Variants in FAM135B observed in about 807,000 individuals in gnomAD.
FAM135B encodes the protein protein FAM135B.
In FAM135B, 43 loss-of-function variants were observed where a neutral mutation model predicts 127.7. That is an observed-to-expected ratio of 0.34 (90% CI 0.26 to 0.43). The LOEUF is 0.43. Among genes scored for constraint, FAM135B ranks in the 20% least tolerant of loss-of-function variants. FAM135B has a pLI of 1.00. For synonymous variants in FAM135B, 670 were observed against 665.1 expected, an observed-to-expected ratio of 1.01 and a Z score of -0.11; for missense variants, 1,558 against 1,725.6, an observed-to-expected ratio of 0.90 and a Z score of 1.72.
chr8:138,358,281 T>A (rs1458163599), intron 2 of FAM135B: 2 of 152,144 alleles, frequency 1.3e-5, no homozygotes, highest in Non-Finnish European at 2.9e-5. Flanking sequence ...TCAATTAAGT[T>A]TTTAAGTGGC....
chr8:138,196,861 C>T (rs1164276430), intron 8 of FAM135B, among the ~76,000 whole-genome samples: 1 of 152,200 alleles, frequency 6.6e-6, no homozygotes, highest in African/African-American at 2.4e-5. Flanking sequence ...CATGGTTCTG[C>T]CACACATTAC....
chr8:138,382,641 GA>G (rs1197616110), intron 1 of FAM135B, among the ~76,000 whole-genome samples: 4 of 152,094 alleles, frequency 2.6e-5, no homozygotes, highest in Non-Finnish European at 5.9e-5. Context: ...GGATAACTGT[GA>G]AAAACCAAAG....
chr8:138,317,705 G>T (rs1587071575), intron 2 of FAM135B, among the ~76,000 whole-genome samples: 1 of 152,182 alleles, frequency 6.6e-6, no homozygotes, highest in Admixed American at 6.5e-5. Flanking sequence ...ACGCCTACAG[G>T]GGCCAGGCAA....
chr8:138,134,637 G>T (rs980012998), intron 19 of FAM135B, among the ~76,000 whole-genome samples: 1 of 151,952 alleles, frequency 6.6e-6, no homozygotes, highest in Non-Finnish European at 1.5e-5. Context: ...GAGGTTGAGA[G>T]GTATTTTATT....
intron 1 of FAM135B, among the ~76,000 whole-genome samples, chr8:138,480,692 T>G (rs1814737573): frequency 6.6e-6 from 1 of 152,246 alleles, no homozygotes; most frequent in South Asian, 2.1e-4. Flanking sequence ...TAGGATGATC[T>G]CTGCATCTCT....
intron 7 of FAM135B, among the ~76,000 whole-genome samples, chr8:138,218,826 G>T (rs1035170889): frequency 2.6e-5 from 4 of 151,580 alleles, no homozygotes; most frequent in Non-Finnish European, 2.9e-5. Flanking sequence ...GAGAGAGAGA[G>T]ATTTATGAAT....
At chr8:138,238,850 T>C (rs540263543) in intron 7 of FAM135B, among the ~76,000 whole-genome samples, 3 of 152,298 alleles carry the variant, frequency 2.0e-5, no homozygotes, top group Non-Finnish European at 2.9e-5. Context: ...ATCTGCATAA[T>C]TGGATGGGAC....
chr8:138,173,230 C>T (rs763550883), intron 11 of FAM135B, among the ~76,000 whole-genome samples: 23 of 152,228 alleles, frequency 1.5e-4, no homozygotes, highest in Non-Finnish European at 2.9e-4. Flanking sequence ...TACCTGAGTC[C>T]GGGCTTATGC....
intron 5 of FAM135B, 137 bp from the exon 6 acceptor site, chr8:138,251,151 C>G (rs1375983315): frequency 9.8e-7 from 1 of 1,021,436 alleles, no homozygotes; most frequent in East Asian, 2.5e-5. Context: ...AATGCTCTGC[C>G]TGGTAGAAAT....
intron 1 of FAM135B, among the ~76,000 whole-genome samples, chr8:138,399,034 C>T (rs1173537161): frequency 2.0e-5 from 3 of 152,148 alleles, no homozygotes; most frequent in Admixed American, 2.0e-4. Flanking sequence ...CCTGTCTTCT[C>T]ATTAATAAAA....
intron 2 of FAM135B, among the ~76,000 whole-genome samples, chr8:138,352,315 C>T (rs752268151): frequency 2.6e-5 from 4 of 152,170 alleles, no homozygotes; most frequent in Non-Finnish European, 5.9e-5. Context: ...ATCCCAATTA[C>T]TTCAGTTTGA....
At chr8:138,365,993 C>T (rs748262349) in intron 2 of FAM135B, among the ~76,000 whole-genome samples, 1 of 151,914 alleles carries the variant, frequency 6.6e-6, no homozygotes, top group African/African-American at 2.4e-5. Context: ...TGTAAATAGA[C>T]GTTCTAATAC....
intron 7 of FAM135B, among the ~76,000 whole-genome samples, chr8:138,229,367 T>C (rs1819735632): frequency 6.6e-6 from 1 of 152,238 alleles, no homozygotes; most frequent in Admixed American, 6.5e-5. Flanking sequence ...GTCTCAAGAC[T>C]ATAATACAGA....
At chr8:138,171,602 A>G (rs962675926) in intron 11 of FAM135B, among the ~76,000 whole-genome samples, 2 of 152,258 alleles carry the variant, frequency 1.3e-5, no homozygotes, top group Non-Finnish European at 2.9e-5. Flanking sequence ...CAATAAAATT[A>G]ATCAACATGG....
Position 138,151,591 on chromosome 8 carries a change from T to C in FAM135B, c.2884A>G (p.Ile962Val). The C allele has an allele frequency of 2.5e-6, 4 of 1,614,200 alleles. No individual in the cohort carries two copies. Among genetic ancestry groups the C allele is most frequent in the Non-Finnish European group, 3.4e-6 (4 of 1,180,018 alleles). ...GQQSQSGSPC[I>V]MDDTAFNRGV... is the part of the protein sequence containing the mutation. ...CTATTAAATGCTGTGTCATCCATAATGCAAGGTGAACCGCTTTGGCTTTGC... is the reference window on the plus strand; with the variant it reads ...CTATTAAATGCTGTGTCATCCATAACGCAAGGTGAACCGCTTTGGCTTTGC... The change falls in exon 13 of 20, where the codon ATT (isoleucine) becomes GTT (valine). Residue 962 changes from isoleucine (I) to valine (V), a missense_variant. Around this residue, in one of 5 missense-constraint regions of FAM135B, gnomAD observed 923 missense variants for 865.3 expected, o/e 1.07. Transcript: ENST00000395297.
At chr8:138,229,904 C>T (rs186518110) in intron 7 of FAM135B, among the ~76,000 whole-genome samples, 91 of 152,262 alleles carry the variant, frequency 6.0e-4, no homozygotes, top group African/African-American at 1.7e-3. Flanking sequence ...GAGGAAGCCA[C>T]CCTCATGGTT....
intron 1 of FAM135B, among the ~76,000 whole-genome samples, chr8:138,406,124 C>G (rs1030989999): frequency 1.3e-5 from 2 of 149,810 alleles, no homozygotes; most frequent in African/African-American, 2.5e-5. Flanking sequence ...AGCCCTTTGT[C>G]AGATGAGTAG....
intron 1 of FAM135B, among the ~76,000 whole-genome samples, chr8:138,408,048 G>A (rs1383827228): frequency 6.6e-6 from 1 of 152,138 alleles, no homozygotes; most frequent in African/African-American, 2.4e-5. Flanking sequence ...TAGAGCACAG[G>A]CAGAGTAGAT....
At chr8:138,495,369 C>T (rs1406833977) in intron 1 of FAM135B, among the ~76,000 whole-genome samples, 1 of 152,156 alleles carries the variant, frequency 6.6e-6, no homozygotes, top group Non-Finnish European at 1.5e-5. Context: ...GGTCCACTTT[C>T]CTCTACACCT....
Sources: allele counts gnomAD v4.1 joint callset (sites outside exome capture counted in the v4.1 genomes callset), GRCh38; gene constraint gnomAD v4.1.1; regional missense constraint gnomAD v4.1.1; transcripts MANE v1.5; gene names NCBI Gene and HGNC (gene_info 2026-07-23, HGNC 2026-07-21).